Variants in CCNH observed in about 807,000 individuals in gnomAD.
CCNH encodes cyclin-H.
A neutral mutation model predicts 41.9 loss-of-function variants in CCNH; 31 were observed. The observed-to-expected ratio is 0.74, with a 90% CI of 0.56 to 1.00. CCNH has a LOEUF of 1.00. CCNH is among the 50% of genes least tolerant of loss of function. The pLI, the probability that CCNH is intolerant of heterozygous loss-of-function variation, is 0.00. For missense variants in CCNH, 362 were observed against 388.4 expected (o/e 0.93, Z 0.57); for synonymous variants, 138 against 136.1 (o/e 1.01, Z -0.10).
At chr5:87,387,424 C>A (rs544535799), downstream of CCNH, among the ~76,000 whole-genome samples, 6 of 152,262 alleles carry the variant, frequency 3.9e-5, no homozygotes, top group East Asian at 3.9e-4. Context: ...TACAAAATTA[C>A]GAATGAGGGT....
chr5:87,383,261 T>A (rs1007793736), intron 9 of CCNH, among the ~76,000 whole-genome samples: 2 of 152,268 alleles, frequency 1.3e-5, no homozygotes, highest in Admixed American at 1.3e-4. Context: ...TTAAATAAAT[T>A]AAGAAATGAG....
In CCNH at chr5:87,405,561, G is replaced by T. The variant is rs529989104; in HGVS notation, c.526-554C>A. Among the ~76,000 whole-genome samples the T allele has an allele frequency of 3.0e-4, 45 of 152,152 alleles. No individual in the cohort carries two copies. The Middle Eastern group carries it at 0.017, about 58-fold the overall frequency. ...CCATATGCAACACCTAAAGCACTAAGAAAGCTTTTCTACACTCTGAAACAA... is the reference window on the plus strand; with the variant it reads ...CCATATGCAACACCTAAAGCACTAATAAAGCTTTTCTACACTCTGAAACAA... On this transcript the variant is annotated intron_variant, in intron 4 of 8. Coordinates refer to ENST00000256897, the MANE Select transcript of CCNH (RefSeq NM_001239.4).
At chr5:87,383,359 T>G (rs760093588) in intron 9 of CCNH, among the ~76,000 whole-genome samples, 9 of 152,080 alleles carry the variant, frequency 5.9e-5, no homozygotes, top group Admixed American at 1.3e-4. Flanking sequence ...TTCTTAAGAT[T>G]CCTGAGGATA....
At chr5:87,344,505 T>C (rs1758701937) in intron 9 of CCNH, among the ~76,000 whole-genome samples, 1 of 151,934 alleles carries the variant, frequency 6.6e-6, no homozygotes, top group African/African-American at 2.4e-5. Context: ...TTCAAATTCA[T>C]AATACTTTTT....
chr5:87,346,738 T>TA (rs747709684), intron 9 of CCNH: 15 of 1,520,974 alleles, frequency 9.9e-6, no homozygotes, highest in Non-Finnish European at 1.4e-5. Context: ...CTTACATATT[T>TA]ACTTGCTTTT....
intron 9 of CCNH, among the ~76,000 whole-genome samples, chr5:87,345,291 C>T (rs1455496993): frequency 6.6e-6 from 1 of 152,188 alleles, no homozygotes; most frequent in Admixed American, 6.5e-5. Flanking sequence ...ACTTTGGCTT[C>T]AGACTGTGTG....
downstream of CCNH, among the ~76,000 whole-genome samples, chr5:87,387,229 C>CT (rs571615690): frequency 4.0e-3 from 615 of 152,084 alleles, 2 homozygotes; most frequent in Non-Finnish European, 6.6e-3. Flanking sequence ...GCCTCCTTAG[C>CT]TTTTTTACTT....
At chr5:87,369,688 G>C (rs1760786961) in intron 9 of CCNH, 1 of 692,534 alleles carries the variant, frequency 1.4e-6, no homozygotes, top group African/African-American at 1.8e-5. Context: ...TGGTACAATG[G>C]AGTATTATTT....
downstream of CCNH, among the ~76,000 whole-genome samples, chr5:87,389,014 A>G (rs761334054): frequency 2.6e-5 from 4 of 152,222 alleles, no homozygotes; most frequent in Admixed American, 6.5e-5. Flanking sequence ...TGTGAATACA[A>G]AGGTTACAAA....
At chr5:87,326,494 T>C (rs528196503) in intron 9 of CCNH, among the ~76,000 whole-genome samples, 3 of 152,286 alleles carry the variant, frequency 2.0e-5, no homozygotes, top group East Asian at 3.9e-4. Flanking sequence ...GGAAGACATG[T>C]ATGTACTTCT....
At chr5:87,339,312 T>C (rs1398815640) in intron 9 of CCNH, among the ~76,000 whole-genome samples, 1 of 152,144 alleles carries the variant, frequency 6.6e-6, no homozygotes, top group Non-Finnish European at 1.5e-5. Flanking sequence ...CATATAGTTA[T>C]TTAGTGAAAG....
chr5:87,355,768 A>G (rs373877035), intron 9 of CCNH, among the ~76,000 whole-genome samples: 1 of 152,242 alleles, frequency 6.6e-6, no homozygotes, highest in Non-Finnish European at 1.5e-5. Context: ...CATTAAGAAC[A>G]TTTGTGATTC....
At chr5:87,389,099 G>A (rs911895754), downstream of CCNH, among the ~76,000 whole-genome samples, 2 of 151,982 alleles carry the variant, frequency 1.3e-5, no homozygotes, top group African/African-American at 4.8e-5. Context: ...AGAAATTTGA[G>A]TATTAAAAAA....
chr5:87,380,625 A>G (rs766689789), upstream of CCNH: 4 of 1,521,100 alleles, frequency 2.6e-6, no homozygotes, highest in Admixed American at 5.0e-5. Context: ...TTGTTAAATC[A>G]CATACTAATA....
chr5:87,362,624 A>G (rs1468883023), intron 9 of CCNH: 2 of 1,599,926 alleles, frequency 1.3e-6, no homozygotes, highest in Non-Finnish European at 1.7e-6. Context: ...AAAACAAAGG[A>G]TGCCTTTTAT....
At chr5:87,330,501 T>G (rs1415738617) in intron 9 of CCNH, among the ~76,000 whole-genome samples, 1 of 152,162 alleles carries the variant, frequency 6.6e-6, no homozygotes, top group Non-Finnish European at 1.5e-5. Flanking sequence ...CTATCAAATG[T>G]AAAAATATTT....
intron 7 of CCNH, among the ~76,000 whole-genome samples, chr5:87,398,186 TTATACC>T (rs760259890): frequency 5.3e-5 from 8 of 152,206 alleles, no homozygotes; most frequent in Non-Finnish European, 1.2e-4. Context: ...TGCTTTGTCG[TTATACC>T]TATAACTATA....
At chr5:87,349,330 A>C (rs763292074) in intron 9 of CCNH, 11 of 1,611,990 alleles carry the variant, frequency 6.8e-6, no homozygotes, top group Admixed American at 1.7e-5. Flanking sequence ...AACGCCAAAC[A>C]ATCAGTTTAT....
At chr5:87,354,311 A>G (rs970738438) in intron 9 of CCNH, among the ~76,000 whole-genome samples, 3 of 152,138 alleles carry the variant, frequency 2.0e-5, no homozygotes, top group Non-Finnish European at 2.9e-5. Flanking sequence ...AAGGACGTCT[A>G]TTGCGACTGT....
Sources: gnomAD v4.1 joint callset for allele counts (sites outside exome capture counted in the v4.1 genomes callset) on GRCh38, gnomAD v4.1.1 for gene constraint, MANE v1.5 for transcripts, NCBI Gene and HGNC (gene_info 2026-07-23, HGNC 2026-07-21) for gene names.